RAB38: variants seen among roughly 807,000 people sequenced by gnomAD.
The protein encoded by RAB38 is ras-related protein Rab-38.
A neutral mutation model predicts 18.4 loss-of-function variants in RAB38; 15 were observed. The ratio of observed to expected loss-of-function variants is 0.82; its 90% CI spans 0.55 to 1.26. The LOEUF (loss-of-function observed/expected upper bound fraction) is 1.26, where lower values mean the gene tolerates loss of function less well. Among genes scored for constraint, RAB38 ranks in the 50% most tolerant of loss-of-function variants. The pLI is 0.00. For missense variants in RAB38, 294 were observed against 267.4 expected (o/e 1.10, Z -0.69); for synonymous variants, 101 against 104.4 (o/e 0.97, Z 0.20).
At chr11:87,852,946 T>C in the RAB38 span, among the ~76,000 whole-genome samples, 3 of 142,070 alleles carry the variant, frequency 2.1e-5, no homozygotes, top group African/African-American at 8.4e-5. Context: ...GCTTAACATC[T>C]ATCTTGCATA....
the RAB38 span, among the ~76,000 whole-genome samples, chr11:87,831,761 G>A: frequency 2.6e-5 from 4 of 152,284 alleles, no homozygotes; most frequent in East Asian, 7.7e-4. Context: ...TAATAAACAA[G>A]CTTTACAGTT....
chr11:88,100,186 G>A, the RAB38 span: 1 of 151,782 alleles, frequency 6.6e-6, no homozygotes, highest in Non-Finnish European at 1.5e-5. Context: ...AAACAACAAA[G>A]ATTTTTAAAA....
the RAB38 span, among the ~76,000 whole-genome samples, chr11:88,032,283 G>A: frequency 1.3e-5 from 2 of 152,182 alleles, no homozygotes; most frequent in Non-Finnish European, 2.9e-5. Flanking sequence ...AACCCTAGAA[G>A]AAAACCTAGG....
At chr11:88,101,385 T>C in the RAB38 span, among the ~76,000 whole-genome samples, 1 of 151,948 alleles carries the variant, frequency 6.6e-6, no homozygotes, top group Non-Finnish European at 1.5e-5. Context: ...TATAACAACA[T>C]AGATATCCAG....
At chr11:88,073,252 G>C in the RAB38 span, among the ~76,000 whole-genome samples, 1 of 152,154 alleles carries the variant, frequency 6.6e-6, no homozygotes, top group South Asian at 2.1e-4. Context: ...ACTCTGCTCT[G>C]TAACTCAGCC....
At chr11:88,023,866 A>G in the RAB38 span, among the ~76,000 whole-genome samples, 12 of 152,086 alleles carry the variant, frequency 7.9e-5, no homozygotes, top group Admixed American at 2.0e-4. Flanking sequence ...AACTTGATCC[A>G]TATCTCTCAC....
chr11:87,909,512 T>C, the RAB38 span, among the ~76,000 whole-genome samples: 1 of 152,182 alleles, frequency 6.6e-6, no homozygotes, highest in East Asian at 1.9e-4. Context: ...ACATACTATA[T>C]ATAGTTAAAG....
At chr11:88,115,308 A>C (rs1042045511) in intron 2 of RAB38, among the ~76,000 whole-genome samples, 8 of 152,236 alleles carry the variant, frequency 5.3e-5, no homozygotes, top group African/African-American at 1.9e-4. Context: ...CTTGTTGTCC[A>C]ATCTGAAGTG....
At chr11:88,048,688 C>T in the RAB38 span, among the ~76,000 whole-genome samples, 117,617 of 152,034 alleles carry the variant, frequency 0.77, 45,737 homozygotes, top group African/African-American at 0.85. Context: ...TTCTGTCTAG[C>T]CATACTTCTA....
chr11:87,886,164 C>T, the RAB38 span, among the ~76,000 whole-genome samples: 3 of 151,986 alleles, frequency 2.0e-5, no homozygotes, highest in Non-Finnish European at 2.9e-5. Context: ...CCTTTACAGC[C>T]TCCACACTCG....
intron 2 of RAB38, among the ~76,000 whole-genome samples, chr11:88,138,029 A>G (rs1306646624): frequency 6.6e-6 from 1 of 152,228 alleles, no homozygotes; most frequent in African/African-American, 2.4e-5. Flanking sequence ...ATCTTTTCCT[A>G]AGCAGCAGCA....
chr11:87,976,270 G>A, the RAB38 span, among the ~76,000 whole-genome samples: 7 of 139,468 alleles, frequency 5.0e-5, no homozygotes, highest in African/African-American at 7.7e-5. Flanking sequence ...GTAAGAGAAG[G>A]TGTGTGTATA....
the RAB38 span, among the ~76,000 whole-genome samples, chr11:88,092,358 GAGAGAGA>G: frequency 8.0e-5 from 1 of 12,462 alleles, no homozygotes; most frequent in African/African-American, 2.8e-4. Context: ...GAGGGAGAGA[GAGAGAGA>G]GAGAGAGAGA....
At chr11:87,962,734 T>A in the RAB38 span, among the ~76,000 whole-genome samples, 1 of 152,200 alleles carries the variant, frequency 6.6e-6, no homozygotes, top group Non-Finnish European at 1.5e-5. Flanking sequence ...AGGAAATAAA[T>A]GTTTTGAGAT....
At chr11:88,070,286 G>A in the RAB38 span, among the ~76,000 whole-genome samples, 3 of 151,974 alleles carry the variant, frequency 2.0e-5, no homozygotes, top group South Asian at 2.1e-4. Flanking sequence ...AATACTCACC[G>A]CGAAGGTCTG....
At chr11:87,946,998 G>C in the RAB38 span, among the ~76,000 whole-genome samples, 4 of 151,876 alleles carry the variant, frequency 2.6e-5, no homozygotes, top group African/African-American at 7.3e-5. Flanking sequence ...CTAGTTTACA[G>C]TCCCACCAAC....
chr11:87,875,043 T>C, the RAB38 span, among the ~76,000 whole-genome samples: 1 of 151,600 alleles, frequency 6.6e-6, no homozygotes, highest in African/African-American at 2.4e-5. Context: ...TATGGATCTG[T>C]TGTTGATCAA....
chr11:87,826,690 T>A, the RAB38 span, among the ~76,000 whole-genome samples: 1 of 152,190 alleles, frequency 6.6e-6, no homozygotes, highest in Non-Finnish European at 1.5e-5. Context: ...ATCTCAATTA[T>A]ACAGAGTAGG....
At chr11:87,855,059 T>G in the RAB38 span, among the ~76,000 whole-genome samples, 1 of 152,134 alleles carries the variant, frequency 6.6e-6, no homozygotes, top group South Asian at 2.1e-4. Flanking sequence ...CCTCCCAAAG[T>G]GCTGGGATTA....
Sources: allele counts gnomAD v4.1 joint callset (sites outside exome capture counted in the v4.1 genomes callset), GRCh38; gene constraint gnomAD v4.1.1; transcripts MANE v1.5; gene names NCBI Gene and HGNC (gene_info 2026-07-23, HGNC 2026-07-21).